The following PSD3 variants were observed in gnomAD, a reference collection of about 807,000 sequenced individuals.
The protein encoded by PSD3 is PH and SEC7 domain-containing protein 3.
A neutral mutation model predicts 105.5 loss-of-function variants in PSD3; 49 were observed. That is an observed-to-expected ratio of 0.46 (90% CI 0.37 to 0.59). The LOEUF (loss-of-function observed/expected upper bound fraction) is 0.59. PSD3 is among the 20% of genes least tolerant of loss of function. The pLI, the probability that PSD3 is intolerant of heterozygous loss-of-function variation, is 0.00. For synonymous variants in PSD3, 557 were observed against 457.8 expected, an observed-to-expected ratio of 1.22 and a Z score of -2.77; for missense variants, 1,561 against 1,263.8, an observed-to-expected ratio of 1.24 and a Z score of -3.57.
intron 1 of PSD3, among the ~76,000 whole-genome samples, chr8:19,082,046 T>C (rs1220485256): frequency 6.6e-6 from 1 of 152,248 alleles, no homozygotes; most frequent in Non-Finnish European, 1.5e-5. Context: ...ACAATTCATA[T>C]AGCTACATTC....
At chr8:18,757,889 T>C (rs767870952) in intron 9 of PSD3, among the ~76,000 whole-genome samples, 9 of 152,234 alleles carry the variant, frequency 5.9e-5, no homozygotes, top group Non-Finnish European at 1.3e-4. Context: ...CTGTACTCAG[T>C]ACTTTAAAAG....
intron 4 of PSD3, among the ~76,000 whole-genome samples, chr8:18,855,221 C>T (rs1419345553): frequency 6.6e-6 from 1 of 152,184 alleles, no homozygotes; most frequent in South Asian, 2.1e-4. Flanking sequence ...AAATTATACA[C>T]TCGAAGAACA....
chr8:19,057,767 G>A (rs1159717523), intron 1 of PSD3, among the ~76,000 whole-genome samples: 1 of 152,022 alleles, frequency 6.6e-6, no homozygotes, highest in Non-Finnish European at 1.5e-5. Context: ...TATTAGAATG[G>A]CAAAAAAGAA....
intron 11 of PSD3, among the ~76,000 whole-genome samples, chr8:18,620,335 G>C (rs952843229): frequency 4.5e-5 from 6 of 134,506 alleles, no homozygotes; most frequent in Non-Finnish European, 9.5e-5. Flanking sequence ...AGGGTTCTTG[G>C]GTTTGTGTTT....
intron 1 of PSD3, among the ~76,000 whole-genome samples, chr8:19,050,133 T>C (rs1379568898): frequency 2.6e-5 from 4 of 152,204 alleles, no homozygotes; most frequent in African/African-American, 7.2e-5. Flanking sequence ...ATGTCAGCTC[T>C]GCTAAGTTAG....
intron 4 of PSD3, among the ~76,000 whole-genome samples, chr8:18,824,123 T>C (rs1408062214): frequency 3.3e-5 from 5 of 152,180 alleles, no homozygotes; most frequent in African/African-American, 4.8e-5. Context: ...CAATCAGGTA[T>C]GATCATGCCA....
In PSD3 at chr8:18,668,176, G is replaced by A. The variant is rs73589487; in HGVS notation, c.2173-12491C>T. Among the ~76,000 whole-genome samples, 1,268 of 152,342 alleles carry A rather than the reference G, an allele frequency of 8.3e-3. 25 individuals carry two copies. Among genetic ancestry groups the A allele is most frequent in the African/African-American group, 0.029 (1,224 of 41,588 alleles). On this transcript the variant is annotated intron_variant, in intron 9 of 15. Transcript: ENST00000327040. ...AGGGTTCCTCAAGCGCGGCCAGAGTGGGCAGAGAGGCCGAGGGGTTGCGGA... is the reference window on the plus strand; with the variant it reads ...AGGGTTCCTCAAGCGCGGCCAGAGTAGGCAGAGAGGCCGAGGGGTTGCGGA...
chr8:18,663,337 G>C (rs1421111169), intron 9 of PSD3, among the ~76,000 whole-genome samples: 1 of 151,856 alleles, frequency 6.6e-6, no homozygotes, highest in Non-Finnish European at 1.5e-5. Context: ...GATGCAGGAG[G>C]ATTGCTTCAA....
At position 18,531,968 on chromosome 8, in the gene PSD3, G is replaced by C. The variant is rs759430417; in HGVS notation, c.*3775C>G. On this transcript the variant is annotated 3_prime_UTR_variant, in exon 16 of 16. Coordinates refer to ENST00000327040, the MANE Select transcript of PSD3 (RefSeq NM_015310.4). The stretch of plus-strand genomic sequence containing the variant: ...CAAAGCTAAACTTCTGTGAATTCAG[G>C]ATGCAACATGCTTAACTGATGACTG... The C allele has an allele frequency of 6.6e-6, 1 of 152,184 alleles. No individual in the cohort carries two copies. Among genetic ancestry groups the C allele is most frequent in the South Asian group, 2.1e-4 (1 of 4,832 alleles). 9.4% of individuals were successfully genotyped at this position (152,184 alleles called of 1,614,324 possible). A position where few individuals can be genotyped will look rare whatever the true frequency, so the allele number is the denominator to read the frequency against.
At chr8:18,868,616 G>A (rs1378928666) in intron 3 of PSD3, among the ~76,000 whole-genome samples, 1 of 152,000 alleles carries the variant, frequency 6.6e-6, no homozygotes, top group East Asian at 1.9e-4. Flanking sequence ...TCCAAAATTA[G>A]ATAGCCAATT....
At chr8:18,596,745 A>G (rs965985222) in intron 12 of PSD3, among the ~76,000 whole-genome samples, 13 of 149,520 alleles carry the variant, frequency 8.7e-5, no homozygotes, top group Non-Finnish European at 1.4e-4. Context: ...ATAAATTACT[A>G]GAAACCTACA....
intron 2 of PSD3, among the ~76,000 whole-genome samples, chr8:18,894,684 A>C (rs1280850303): frequency 6.6e-6 from 1 of 152,160 alleles, no homozygotes; most frequent in Non-Finnish European, 1.5e-5. Flanking sequence ...TACAAAAGAA[A>C]TCTTACCAAG....
At chr8:18,715,329 T>A (rs562901801) in intron 9 of PSD3, among the ~76,000 whole-genome samples, 3 of 151,954 alleles carry the variant, frequency 2.0e-5, no homozygotes, top group African/African-American at 7.3e-5. Flanking sequence ...GACCCATTAA[T>A]AGGTTACAAT....
chr8:18,548,011 T>C (rs1800548335), intron 15 of PSD3, among the ~76,000 whole-genome samples: 1 of 152,176 alleles, frequency 6.6e-6, no homozygotes, highest in South Asian at 2.1e-4. Flanking sequence ...TTTCCTTTTT[T>C]CCCCCATCTG....
At chr8:18,896,962 C>G (rs769221743) in intron 2 of PSD3, among the ~76,000 whole-genome samples, 1 of 152,044 alleles carries the variant, frequency 6.6e-6, no homozygotes, top group Non-Finnish European at 1.5e-5. Flanking sequence ...AGGCATGCAC[C>G]ACCATGCTCG....
At chr8:19,026,701 C>CAAAAAAAAAAAAA (rs10669321) in intron 1 of PSD3, among the ~76,000 whole-genome samples, 1 of 82,244 alleles carries the variant, frequency 1.2e-5, no homozygotes, top group Non-Finnish European at 2.3e-5. Flanking sequence ...CACATCTCTA[C>CAAAAAAAAAAAAA]AAAAAAAAAA....
chr8:18,595,217 A>T (rs1201164645), intron 12 of PSD3, among the ~76,000 whole-genome samples: 1 of 130,192 alleles, frequency 7.7e-6, no homozygotes, highest in Non-Finnish European at 1.8e-5. Flanking sequence ...AAGCAAACAA[A>T]CAAACAAACA....
chr8:18,882,488 A>C (rs989847958), intron 2 of PSD3, among the ~76,000 whole-genome samples: 3 of 152,162 alleles, frequency 2.0e-5, no homozygotes, highest in African/African-American at 7.2e-5. Flanking sequence ...GTCATCAAGG[A>C]GCTTACAATC....
intron 9 of PSD3, among the ~76,000 whole-genome samples, chr8:18,707,773 C>T (rs1189759377): frequency 6.6e-6 from 1 of 151,996 alleles, no homozygotes; most frequent in Non-Finnish European, 1.5e-5. Flanking sequence ...ACTTCTTCCC[C>T]GAAGAGTACA....
Sources: allele counts gnomAD v4.1 joint callset (sites outside exome capture counted in the v4.1 genomes callset), GRCh38; gene constraint gnomAD v4.1.1; transcripts MANE v1.5; gene names NCBI Gene and HGNC (gene_info 2026-07-23, HGNC 2026-07-21).